Variants in ULK4 observed in about 807,000 individuals in gnomAD.
The protein encoded by ULK4 is unc-51 like kinase 4.
A neutral mutation model predicts 160.6 loss-of-function variants in ULK4; 133 were observed. That is an observed-to-expected ratio of 0.83 (90% CI 0.72 to 0.96). The LOEUF (loss-of-function observed/expected upper bound fraction) is 0.96, where lower values mean the gene tolerates loss of function less well. ULK4 is among the 40% of genes least tolerant of loss of function. The pLI, the probability that ULK4 is intolerant of heterozygous loss-of-function variation, is 0.00. For synonymous variants in ULK4, 534 were observed against 539.8 expected (o/e 0.99, Z 0.15); for missense variants, 1,580 against 1,499.5 (o/e 1.05, Z -0.89).
chr3:41,853,930 A>G (rs1261582800), intron 17 of ULK4, among the ~76,000 whole-genome samples: 1 of 152,178 alleles, frequency 6.6e-6, no homozygotes, highest in Non-Finnish European at 1.5e-5. Flanking sequence ...ACCCCCCTTC[A>G]TGAATATTCA....
chr3:41,927,504 C>A (rs1699427946), intron 5 of ULK4, among the ~76,000 whole-genome samples: 2 of 151,992 alleles, frequency 1.3e-5, no homozygotes, highest in Admixed American at 6.6e-5. Flanking sequence ...ACAATATTAA[C>A]CTTAAAGGTA....
chr3:41,643,115 T>C (rs893485369), intron 30 of ULK4, among the ~76,000 whole-genome samples: 4 of 152,160 alleles, frequency 2.6e-5, no homozygotes, highest in African/African-American at 7.2e-5. Flanking sequence ...GAGTAGGTTG[T>C]GAAAATTTTC....
At chr3:41,478,732 T>C (rs943537609) in intron 32 of ULK4, among the ~76,000 whole-genome samples, 1 of 152,242 alleles carries the variant, frequency 6.6e-6, no homozygotes, top group Non-Finnish European at 1.5e-5. Context: ...TCATTTTGAC[T>C]ACTCATAGCT....
At chr3:41,724,877 T>C (rs974750261) in intron 22 of ULK4, among the ~76,000 whole-genome samples, 1 of 152,246 alleles carries the variant, frequency 6.6e-6, no homozygotes, top group Non-Finnish European at 1.5e-5. Flanking sequence ...TTAAGCATCT[T>C]TTCAGGTGTT....
intron 35 of ULK4, among the ~76,000 whole-genome samples, chr3:41,263,966 A>G (rs1356895256): frequency 6.6e-6 from 1 of 152,212 alleles, no homozygotes; most frequent in Non-Finnish European, 1.5e-5. Flanking sequence ...AAAAGTAAAC[A>G]AATACAATAA....
At chr3:41,818,338 T>C (rs74933100) in intron 19 of ULK4, among the ~76,000 whole-genome samples, 8,879 of 152,258 alleles carry the variant, frequency 0.058, 820 homozygotes, top group African/African-American at 0.2. Context: ...TTTGTTCTTT[T>C]GCATTTATGT....
chr3:41,819,558 A>G, intron 18 of ULK4, 52 bp from the exon 19 acceptor site: 1 of 1,544,934 alleles, frequency 6.5e-7, no homozygotes, highest in South Asian at 1.1e-5. Context: ...CACGAAAGAT[A>G]TTAACCCATT....
intron 27 of ULK4, among the ~76,000 whole-genome samples, chr3:41,697,110 G>C (rs529809691): frequency 6.6e-6 from 1 of 152,258 alleles, no homozygotes; most frequent in South Asian, 2.1e-4. Context: ...TAAGCTTGTG[G>C]TGATTTGTTA....
intron 17 of ULK4, among the ~76,000 whole-genome samples, chr3:41,863,821 G>A (rs1250782546): frequency 1.3e-5 from 2 of 151,668 alleles, no homozygotes; most frequent in African/African-American, 4.8e-5. Flanking sequence ...TATCCTAGGT[G>A]CAAGACAAAG....
At chr3:41,564,484 G>A (rs1403375485) in intron 32 of ULK4, among the ~76,000 whole-genome samples, 1 of 106,442 alleles carries the variant, frequency 9.4e-6, no homozygotes, top group Non-Finnish European at 1.7e-5. Flanking sequence ...TTGAGACAGT[G>A]TCTCACTCTT....
intron 30 of ULK4, among the ~76,000 whole-genome samples, chr3:41,655,477 T>C (rs2125747165): frequency 6.6e-6 from 1 of 152,034 alleles, no homozygotes; most frequent in East Asian, 1.9e-4. Context: ...TGTATACATA[T>C]GTAACAAATC....
intron 32 of ULK4, among the ~76,000 whole-genome samples, chr3:41,464,724 G>A (rs1575259608): frequency 6.6e-6 from 1 of 152,286 alleles, no homozygotes; most frequent in East Asian, 1.9e-4. Flanking sequence ...ATGACTTTGT[G>A]ACATGTCACA....
intron 1 of ULK4, among the ~76,000 whole-genome samples, chr3:41,958,547 C>CA (rs78864808): frequency 0.21 from 26,298 of 123,858 alleles, 2,693 homozygotes; most frequent in Middle Eastern, 0.32. Context: ...ACTAAAAATA[C>CA]AAAAAAAAAA....
rs1349590666 is a variant in ULK4 at position 41,494,333 on chromosome 3, T to C, written c.3227-31080A>G. On this transcript the variant is annotated intron_variant, in intron 32 of 36. Coordinates refer to ENST00000301831, the MANE Select transcript of ULK4 (RefSeq NM_017886.4). The stretch of plus-strand genomic sequence containing the variant: ...AACAGAACCAAAGACAAAAACCACA[T>C]GATTATCTCAATAGATGCAGAAAAG... Among the ~76,000 whole-genome samples the C allele has an allele frequency of 2.4e-5, 3 of 123,706 alleles. 1 individual carries two copies. In the East Asian group the frequency reaches 6.0e-4, roughly 25 times the overall value. 81.2% of individuals were successfully genotyped at this position (123,706 alleles called of 152,430 possible).
chr3:41,453,804 T>C (rs893276383), intron 34 of ULK4, among the ~76,000 whole-genome samples: 19 of 152,030 alleles, frequency 1.2e-4, no homozygotes, highest in Non-Finnish European at 2.9e-5. Context: ...CCATGGAACA[T>C]GGATATCATA....
intron 21 of ULK4, among the ~76,000 whole-genome samples, chr3:41,784,532 A>C (rs2039947642): frequency 6.6e-6 from 1 of 152,172 alleles, no homozygotes; most frequent in Non-Finnish European, 1.5e-5. Flanking sequence ...TGTGGTTGTG[A>C]TTGTTCACTT....
chr3:41,296,845 G>C (rs2079678536), intron 35 of ULK4, among the ~76,000 whole-genome samples: 1 of 152,084 alleles, frequency 6.6e-6, no homozygotes, highest in Non-Finnish European at 1.5e-5. Context: ...GGTTGAGAGG[G>C]AGGGAAGAAG....
chr3:41,283,946 C>T lies in ULK4; in HGVS notation c.3679-34372G>A, dbSNP rs542654010. Reference sequence around the variant, plus strand: ...GGAGAATCAAATCAAGAACTCAACCCCTTTTACAATAGCTGCCAAAAATAA... The same window carrying T: ...GGAGAATCAAATCAAGAACTCAACCTCTTTTACAATAGCTGCCAAAAATAA... On this transcript the variant is annotated intron_variant, in intron 35 of 36. Coordinates refer to ENST00000301831, the MANE Select transcript of ULK4 (RefSeq NM_017886.4). 2.0e-5 allele frequency among the ~76,000 whole-genome samples: 3 copies of T among 151,430 alleles called. No individual in the cohort carries two copies. In the South Asian group the frequency reaches 6.3e-4, roughly 32 times the overall value.
At position 41,432,686 on chromosome 3, in the gene ULK4, G is replaced by C. The variant is rs567089927; in HGVS notation, c.3492+22811C>G. Among the ~76,000 whole-genome samples the C allele has an allele frequency of 2.0e-5, 3 of 152,190 alleles. No homozygotes were observed. In the South Asian group the frequency reaches 6.2e-4, roughly 32 times the overall value. The stretch of plus-strand genomic sequence containing the variant: ...CAATTACTTAATGATTATGATGCAT[G>C]GAATAAATACAACCAATCACATTCA... On this transcript the variant is annotated intron_variant, in intron 34 of 36. Transcript: ENST00000301831.
Sources: allele counts gnomAD v4.1 joint callset (sites outside exome capture counted in the v4.1 genomes callset), GRCh38; gene constraint gnomAD v4.1.1; transcripts MANE v1.5; gene names NCBI Gene and HGNC (gene_info 2026-07-23, HGNC 2026-07-21).